The following TXNL4A variants were observed in gnomAD, a reference collection of about 807,000 sequenced individuals.
TXNL4A encodes thioredoxin-like protein 4A.
In TXNL4A, 17 loss-of-function variants were observed where a neutral mutation model predicts 14.6. The observed-to-expected ratio is 1.16, with a 90% CI of 0.80 to 1.74. The LOEUF (loss-of-function observed/expected upper bound fraction) is 1.74, where lower values mean the gene tolerates loss of function less well. TXNL4A is among the 40% of genes most tolerant of loss of function. The pLI, the probability that TXNL4A is intolerant of heterozygous loss-of-function variation, is 0.00. For missense variants in TXNL4A, 74 were observed against 195.2 expected (o/e 0.38, Z 3.70); for synonymous variants, 83 against 70.6 (o/e 1.18, Z -0.88).
chr18:80,002,214 G>A (rs1385288511), intron 1 of TXNL4A, among the ~76,000 whole-genome samples: 5 of 152,126 alleles, frequency 3.3e-5, no homozygotes, highest in African/African-American at 1.2e-4. Flanking sequence ...CACAAAACAT[G>A]CAAACAGTAC....
chr18:80,021,993 C>CT (rs57141907), intron 1 of TXNL4A, among the ~76,000 whole-genome samples: 42,256 of 150,060 alleles, frequency 0.28, 6,302 homozygotes, highest in Non-Finnish European at 0.35. Context: ...GCTAGAATAC[C>CT]TTTTTTTTTT....
chr18:80,019,233 G>T (rs1220391261), intron 1 of TXNL4A, among the ~76,000 whole-genome samples: 1 of 152,184 alleles, frequency 6.6e-6, no homozygotes, highest in Non-Finnish European at 1.5e-5. Context: ...CTAGGAACAA[G>T]AAAAGGTTTA....
Position 79,988,324 on chromosome 18 carries a change from G to A in TXNL4A, c.69C>T (p.Asp23=). 6.3e-7 allele frequency: 1 copy of A among 1,594,492 alleles called. No homozygotes were observed. Among genetic ancestry groups the A allele is most frequent in the Middle Eastern group, 1.7e-4 (1 of 6,018 alleles). ...GGCCGAAGCGGATGACGACCACGCG[G>A]TCCTCCTCCGAGAGGATGGCCTGGT... The part of the protein sequence containing the change: ...QVDQAILSEE[D]RVVVIRFGHD... The change falls in exon 1 of 3, where the codon GAC becomes GAT. Residue 23 remains aspartate, a synonymous_variant. Coordinates refer to ENST00000269601, the MANE Select transcript of TXNL4A (RefSeq NM_006701.5).
chr18:80,017,052 T>C (rs1346209895), intron 1 of TXNL4A, among the ~76,000 whole-genome samples: 2 of 149,114 alleles, frequency 1.3e-5, no homozygotes, highest in African/African-American at 4.9e-5. Context: ...CAGTGGTTTG[T>C]AGTTCTCCTT....
intron 1 of TXNL4A, among the ~76,000 whole-genome samples, chr18:80,022,084 T>C (rs771752524): frequency 5.3e-4 from 81 of 152,100 alleles, no homozygotes; most frequent in Non-Finnish European, 9.8e-4. Context: ...AAAGCCTCTA[T>C]ATATTTATTA....
chr18:79,995,732 A>G (rs1179034933), intron 1 of TXNL4A, among the ~76,000 whole-genome samples: 1 of 152,200 alleles, frequency 6.6e-6, no homozygotes. Context: ...TTAACTTTTC[A>G]AACCTCTCAG....
Position 80,011,384 on chromosome 18 carries a change from A to G in TXNL4A, c.-61+22467T>C, listed in dbSNP as rs1373890896. Among the ~76,000 whole-genome samples the G allele has an allele frequency of 6.6e-6, 1 of 152,154 alleles. No individual in the cohort carries two copies. Among genetic ancestry groups the G allele is most frequent in the East Asian group, 1.9e-4 (1 of 5,190 alleles). ...CCAGAAACAGCATGTTTTATTTAAGAGTGCACAGGCGCCCACTACTTCAGC... is the reference window on the plus strand; with the variant it reads ...CCAGAAACAGCATGTTTTATTTAAGGGTGCACAGGCGCCCACTACTTCAGC... On this transcript the variant is annotated intron_variant, in intron 1 of 2. Transcript: ENST00000585474. The surrounding 1 kb of genome is among the most constrained non-coding windows in gnomAD (Gnocchi z 4.1).
At position 79,988,551 on chromosome 18, in the gene TXNL4A, C is replaced by T. The variant is rs1216957853; in HGVS notation, c.-159G>A. 4 of 747,582 alleles carry T rather than the reference C, an allele frequency of 5.4e-6. No individual in the cohort carries two copies. Among genetic ancestry groups the T allele is most frequent in the African/African-American group, 3.7e-5 (2 of 53,666 alleles). 46.3% of individuals were successfully genotyped at this position (747,582 alleles called of 1,614,324 possible). On this transcript the variant is annotated 5_prime_UTR_variant, in exon 1 of 3. Coordinates refer to ENST00000269601, the MANE Select transcript of TXNL4A (RefSeq NM_006701.5). ...CGCAAACTCCGCTGGGACTGCCACC[C>T]GGCAGAACGTCTGGGCGCGCACGCA...
chr18:79,975,257 T>A (rs966895544), intron 2 of TXNL4A, among the ~76,000 whole-genome samples: 7 of 152,232 alleles, frequency 4.6e-5, no homozygotes, highest in Non-Finnish European at 7.3e-5. Context: ...GGGAATCCTG[T>A]CTTATCTGAC....
chr18:79,995,165 G>A (rs2051652668), intron 1 of TXNL4A: 1 of 152,188 alleles, frequency 6.6e-6, no homozygotes, highest in South Asian at 2.1e-4. Flanking sequence ...AAGAGTTTGA[G>A]CTCATTATCA....
At position 79,973,574 on chromosome 18, in the gene TXNL4A, G is replaced by A; in HGVS notation, c.*111C>T. 7.3e-7 allele frequency: 1 copy of A among 1,377,946 alleles called. No individual in the cohort carries two copies. The highest frequency in any genetic ancestry group is 9.8e-7 in the Non-Finnish European group (1 of 1,022,842). The allele number at this position is 1,377,946 out of a possible 1,614,324, so 85.4% of individuals were successfully genotyped here. A position where few individuals can be genotyped will look rare whatever the true frequency, so the allele number is the denominator to read the frequency against. On this transcript the variant is annotated 3_prime_UTR_variant, in exon 3 of 3. Coordinates refer to ENST00000269601, the MANE Select transcript of TXNL4A (RefSeq NM_006701.5). Reference sequence around the variant, plus strand: ...AGACCATGTTATCAATTCCATCTCAGAGGTGCTCCAGCCCTGGAGCTTCCT... The same window carrying A: ...AGACCATGTTATCAATTCCATCTCAAAGGTGCTCCAGCCCTGGAGCTTCCT...
Position 79,993,949 on chromosome 18 carries a change from G to T in TXNL4A, c.-60-16248C>A, listed in dbSNP as rs1421712621. Among the ~76,000 whole-genome samples, 1 of 152,274 alleles carries T rather than the reference G, an allele frequency of 6.6e-6. No individual in the cohort carries two copies. Among genetic ancestry groups the T allele is most frequent in the Non-Finnish European group, 1.5e-5 (1 of 68,028 alleles). ...GCCGCGACAAGCGTGGACTGAACTG[G>T]TTCAAGGAATAATGGCCCTGAAGAG... On this transcript the variant is annotated intron_variant, in intron 1 of 2. Coordinates refer to the TXNL4A transcript ENST00000585474. The surrounding 1 kb of genome is among the most constrained non-coding windows in gnomAD (Gnocchi z 4.4).
At chr18:80,033,695 C>G (rs2051942419) in intron 1 of TXNL4A, among the ~76,000 whole-genome samples, 1 of 152,248 alleles carries the variant, frequency 6.6e-6, no homozygotes, top group African/African-American at 2.4e-5. Context: ...CCTAGCTACG[C>G]AGCGCCAGGC....
chr18:79,982,959 A>G lies in TXNL4A; in HGVS notation c.154-5258T>C, dbSNP rs371935974. Among the ~76,000 whole-genome samples the G allele has an allele frequency of 1.3e-5, 2 of 152,126 alleles. No individual in the cohort carries two copies. Among genetic ancestry groups the G allele is most frequent in the Non-Finnish European group, 2.9e-5 (2 of 68,020 alleles). On this transcript the variant is annotated intron_variant, in intron 1 of 2. Coordinates refer to ENST00000269601, the MANE Select transcript of TXNL4A (RefSeq NM_006701.5). This position sits in a 1 kb window ranked among gnomAD's most constrained non-coding sequence, Gnocchi z 4.0. ...GGAGGAGCTGGGTGAGTGCAGCCAC[A>G]CTGCTCTGCCAAGTCATCCTGTGAC...
chr18:80,005,087 T>A (rs2051720994), intron 1 of TXNL4A, among the ~76,000 whole-genome samples: 1 of 152,216 alleles, frequency 6.6e-6, no homozygotes, highest in Non-Finnish European at 1.5e-5. Flanking sequence ...GACACAGACG[T>A]GCAGTAGAAC....
intron 1 of TXNL4A, among the ~76,000 whole-genome samples, chr18:80,030,212 A>G (rs1177200780): frequency 6.6e-6 from 1 of 152,218 alleles, no homozygotes; most frequent in African/African-American, 2.4e-5. Context: ...GACTGCTTAA[A>G]CCCAAGACAC....
chr18:80,027,397 C>T (rs989449700), intron 1 of TXNL4A, among the ~76,000 whole-genome samples: 3 of 152,150 alleles, frequency 2.0e-5, no homozygotes, highest in African/African-American at 7.2e-5. Flanking sequence ...TATCGCAATA[C>T]CCAGACACCC....
intron 1 of TXNL4A, among the ~76,000 whole-genome samples, chr18:80,021,008 C>T (rs2051844978): frequency 2.0e-5 from 3 of 152,262 alleles, no homozygotes; most frequent in Middle Eastern, 6.8e-3. Context: ...TCTTGAGAAA[C>T]CCCCTCAGTT....
In TXNL4A at chr18:79,982,750, A is replaced by G. The variant is rs1320060173; in HGVS notation, c.154-5049T>C. Among the ~76,000 whole-genome samples, 2 of 152,104 alleles carry G rather than the reference A, an allele frequency of 1.3e-5. No individual in the cohort carries two copies. The highest frequency in any genetic ancestry group is 2.4e-5 in the African/African-American group (1 of 41,424). The stretch of plus-strand genomic sequence containing the variant: ...GAGGGAAGTTACTGTGGGACTTGGG[A>G]GTTCAGATAGGAGAGGCTGAAAGAG... On this transcript the variant is annotated intron_variant, in intron 1 of 2. Transcript: ENST00000269601. The surrounding 1 kb of genome is among the most constrained non-coding windows in gnomAD (Gnocchi z 4.0).
Sources: allele counts gnomAD v4.1 joint callset (sites outside exome capture counted in the v4.1 genomes callset), GRCh38; gene constraint gnomAD v4.1.1; non-coding constraint Gnocchi (gnomAD v3.1); transcripts MANE v1.5; gene names NCBI Gene and HGNC (gene_info 2026-07-23, HGNC 2026-07-21).